Variants in PTPRE observed in about 807,000 individuals in gnomAD.
PTPRE encodes the protein protein tyrosine phosphatase receptor type E.
A neutral mutation model predicts 102.0 loss-of-function variants in PTPRE; 51 were observed. The observed-to-expected ratio is 0.50, with a 90% CI of 0.40 to 0.63. The LOEUF is 0.63. Ranked by LOEUF, PTPRE falls within the 30% of genes least tolerant of loss-of-function variation. The pLI is 0.00. For synonymous variants in PTPRE, 345 were observed against 348.2 expected (o/e 0.99, Z 0.10); for missense variants, 752 against 915.1 (o/e 0.82, Z 2.30).
chr10:127,968,431 G>C (rs927750492), intron 1 of PTPRE, among the ~76,000 whole-genome samples: 12 of 152,184 alleles, frequency 7.9e-5, no homozygotes, highest in African/African-American at 7.2e-5. Context: ...CAGGGTCTAC[G>C]CAACAAAAAG....
At position 128,075,404 on chromosome 10, in the gene PTPRE, A is replaced by G. The variant is rs1590240006; in HGVS notation, c.1600-1199A>G. Among the ~76,000 whole-genome samples, 3 of 152,178 alleles carry G rather than the reference A, an allele frequency of 2.0e-5. No individual in the cohort carries two copies. In the East Asian group the frequency reaches 5.8e-4, roughly 29 times the overall value. ...CCATCATCTAGGTTTTAAGCCCTGTATGCATTAGCTATTTGTCCTAATGCT... is the reference window on the plus strand; with the variant it reads ...CCATCATCTAGGTTTTAAGCCCTGTGTGCATTAGCTATTTGTCCTAATGCT... On this transcript the variant is annotated intron_variant, in intron 17 of 20. Transcript: ENST00000254667.
At chr10:128,074,385 G>T (rs1030529222) in intron 17 of PTPRE, among the ~76,000 whole-genome samples, 12 of 152,202 alleles carry the variant, frequency 7.9e-5, no homozygotes, top group Non-Finnish European at 1.5e-4. Context: ...GTGCTGCTTT[G>T]CTTGGTGCGG....
At chr10:128,004,795 A>G (rs1854349994) in intron 2 of PTPRE, among the ~76,000 whole-genome samples, 1 of 152,220 alleles carries the variant, frequency 6.6e-6, no homozygotes, top group South Asian at 2.1e-4. Context: ...TTATGGTTAA[A>G]TTTTGAGGAA....
At chr10:128,005,537 A>G (rs1217783853) in intron 2 of PTPRE, among the ~76,000 whole-genome samples, 2 of 152,218 alleles carry the variant, frequency 1.3e-5, no homozygotes, top group Admixed American at 6.5e-5. Context: ...TTTTAACATA[A>G]TGTATTTGAT....
At chr10:127,921,526 G>A (rs1046250611) in intron 1 of PTPRE, among the ~76,000 whole-genome samples, 2 of 152,176 alleles carry the variant, frequency 1.3e-5, no homozygotes, top group Admixed American at 6.5e-5. Flanking sequence ...AGAATCACAG[G>A]AGGGACGTGA....
chr10:128,011,661 A>G (rs1202218960), intron 2 of PTPRE, among the ~76,000 whole-genome samples: 1 of 152,254 alleles, frequency 6.6e-6, no homozygotes, highest in Non-Finnish European at 1.5e-5. Flanking sequence ...CCATTTCACT[A>G]GAAATTCCTT....
At chr10:127,976,522 G>GAATAATTTCTAAATTCTA (rs1851192620) in intron 1 of PTPRE, among the ~76,000 whole-genome samples, 1 of 152,172 alleles carries the variant, frequency 6.6e-6, no homozygotes. Flanking sequence ...AGCTGCCCAT[G>GAATAATTTCTAAATTCTA]AATAATTTCT....
chr10:127,975,434 C>T (rs944732237), intron 1 of PTPRE, among the ~76,000 whole-genome samples: 3 of 152,024 alleles, frequency 2.0e-5, no homozygotes, highest in Non-Finnish European at 4.4e-5. Flanking sequence ...TATTTAATGC[C>T]AGAGCTCATC....
chr10:127,947,364 T>C (rs1258072491), intron 1 of PTPRE, among the ~76,000 whole-genome samples: 1 of 152,224 alleles, frequency 6.6e-6, no homozygotes, highest in Non-Finnish European at 1.5e-5. Flanking sequence ...AAACCTCCCC[T>C]GATTGTCTTC....
At chr10:127,965,497 C>A (rs576188622) in intron 1 of PTPRE, among the ~76,000 whole-genome samples, 5 of 152,176 alleles carry the variant, frequency 3.3e-5, no homozygotes, top group Non-Finnish European at 7.3e-5. Flanking sequence ...CAGGGTTCGT[C>A]CCTAAGCAAA....
rs563403554 is a variant in PTPRE, at chr10:128,072,127, A to C, written c.1388-11A>C. On this transcript the variant is annotated splice_polypyrimidine_tract_variant and intron_variant, in intron 15 of 20. Transcript: ENST00000254667. Reference sequence around the variant, plus strand: ...TTTTTGTAATAACTAAAGGAAGATAATGCTTTGCAGATGACTTCAACCGAG... The same window carrying C: ...TTTTTGTAATAACTAAAGGAAGATACTGCTTTGCAGATGACTTCAACCGAG... 2 of 1,612,482 alleles carry C rather than the reference A, an allele frequency of 1.2e-6. No individual in the cohort carries two copies. The highest frequency in any genetic ancestry group is 1.7e-6 in the Non-Finnish European group (2 of 1,178,860).
At chr10:128,007,192 G>C (rs117862293) in intron 2 of PTPRE, among the ~76,000 whole-genome samples, 1,602 of 152,242 alleles carry the variant, frequency 0.011, 11 homozygotes, top group Admixed American at 0.016. Context: ...GAGGGGATGT[G>C]GCTGAGTGTT....
chr10:128,044,558 AAC>A (rs970399088), intron 3 of PTPRE, among the ~76,000 whole-genome samples: 52 of 152,128 alleles, frequency 3.4e-4, no homozygotes, highest in Middle Eastern at 3.4e-3. Flanking sequence ...TATGTAAGCA[AAC>A]ACACACACAC....
chr10:127,964,353 A>G (rs924487082), intron 1 of PTPRE, among the ~76,000 whole-genome samples: 1 of 152,024 alleles, frequency 6.6e-6, no homozygotes, highest in African/African-American at 2.4e-5. Context: ...AATTTTTGGT[A>G]GAGATTGTGG....
chr10:127,937,485 C>T (rs1027408895), intron 1 of PTPRE, among the ~76,000 whole-genome samples: 2 of 151,964 alleles, frequency 1.3e-5, no homozygotes, highest in South Asian at 4.2e-4. Flanking sequence ...AAACAGAGGC[C>T]CCAGGGTTGT....
intron 20 of PTPRE, among the ~76,000 whole-genome samples, chr10:128,079,909 A>C (rs2136082341): frequency 6.6e-6 from 1 of 152,240 alleles, no homozygotes; most frequent in South Asian, 2.1e-4. Flanking sequence ...AAGACCCGGG[A>C]GGAGGGGCCT....
chr10:128,018,937 C>T (rs191357797), intron 2 of PTPRE, among the ~76,000 whole-genome samples: 12 of 152,326 alleles, frequency 7.9e-5, no homozygotes, highest in African/African-American at 2.9e-4. Context: ...TGTTTCAGCC[C>T]ATTTCTACAG....
chr10:128,012,369 C>T (rs1334248285), intron 2 of PTPRE, among the ~76,000 whole-genome samples: 1 of 152,202 alleles, frequency 6.6e-6, no homozygotes, highest in East Asian at 1.9e-4. Flanking sequence ...AACCAAACTT[C>T]TCCTTGCCCT....
Position 128,078,213 on chromosome 10 carries a change from G to A in PTPRE, c.1892+430G>A, listed in dbSNP as rs1418878438. ...CATGGGCTGGGATTCCTGGCCATAT[G>A]AGGAGTCCCAACTGGGATTGTAGCC... On this transcript the variant is annotated intron_variant, in intron 19 of 20. Transcript: ENST00000254667. 3.3e-5 allele frequency among the ~76,000 whole-genome samples: 5 copies of A among 152,350 alleles called. No individual in the cohort carries two copies. In the East Asian group the frequency reaches 5.8e-4, roughly 18 times the overall value.
Sources: gnomAD v4.1 joint callset for allele counts (sites outside exome capture counted in the v4.1 genomes callset) on GRCh38, gnomAD v4.1.1 for gene constraint, MANE v1.5 for transcripts, NCBI Gene and HGNC (gene_info 2026-07-23, HGNC 2026-07-21) for gene names.